Variants in CDK6 observed in about 807,000 individuals in gnomAD.
CDK6 encodes the protein cyclin-dependent kinase 6.
Under a neutral mutation model 37.1 loss-of-function variants are expected in CDK6, and 6 were observed. The ratio of observed to expected loss-of-function variants is 0.16; its 90% CI spans 0.09 to 0.32. CDK6 has a LOEUF of 0.32. Ranked by LOEUF, CDK6 falls within the 10% of genes least tolerant of loss-of-function variation. CDK6 has a pLI of 1.00. For missense variants in CDK6, 224 were observed against 418.9 expected (o/e 0.53, Z 4.06); for synonymous variants, 160 against 161.3 (o/e 0.99, Z 0.06).
Position 92,833,329 on chromosome 7 carries a change from C to A in CDK6, c.-6G>T. 6.4e-7 allele frequency: 1 copy of A among 1,560,190 alleles called. No homozygotes were observed. The highest frequency in any genetic ancestry group is 8.7e-7 in the Non-Finnish European group (1 of 1,155,990). ...CACAGGCCGTCCTTCTCCATGCCGC[C>A]TGGACGCCGCCCGCCGCGGCGCCGC... On this transcript the variant is annotated 5_prime_UTR_variant, in exon 2 of 8. It adds an upstream start codon to the 5' untranslated region. Coordinates refer to ENST00000424848, the MANE Select transcript of CDK6 (RefSeq NM_001145306.2). The surrounding 1 kb of genome is among the most constrained non-coding windows in gnomAD (Gnocchi z 6.1).
chr7:92,704,249 T>C (rs945072151), intron 4 of CDK6, among the ~76,000 whole-genome samples: 3 of 152,202 alleles, frequency 2.0e-5, no homozygotes, highest in Non-Finnish European at 4.4e-5. Flanking sequence ...TTTATATATA[T>C]CATTAATTTC....
intron 4 of CDK6, among the ~76,000 whole-genome samples, chr7:92,671,918 G>A (rs887048456): frequency 1.3e-5 from 2 of 151,318 alleles, no homozygotes; most frequent in South Asian, 2.1e-4. Flanking sequence ...CCCCAGGCCA[G>A]CATTATTGGC....
rs143673993 is a variant in CDK6 at position 92,621,413 on chromosome 7, C to A, written c.698+1623G>T. On this transcript the variant is annotated intron_variant, in intron 6 of 7. Coordinates refer to ENST00000424848, the MANE Select transcript of CDK6 (RefSeq NM_001145306.2). Reference sequence around the variant, plus strand: ...TGCCGGTCAAATGTTCCTTCTGGTCCATTTCACTGGCCTCATGTACTAAGG... The same window carrying A: ...TGCCGGTCAAATGTTCCTTCTGGTCAATTTCACTGGCCTCATGTACTAAGG... Among the ~76,000 whole-genome samples, 3 of 152,266 alleles carry A rather than the reference C, an allele frequency of 2.0e-5. No individual in the cohort carries two copies. The East Asian group carries it at 5.8e-4, about 29-fold the overall frequency.
chr7:92,822,646 C>T (rs1490802008), intron 2 of CDK6, among the ~76,000 whole-genome samples: 2 of 152,058 alleles, frequency 1.3e-5, no homozygotes, highest in East Asian at 1.9e-4. Context: ...AGCTGACATT[C>T]AACATTAATT....
intron 2 of CDK6, among the ~76,000 whole-genome samples, chr7:92,819,698 A>T (rs915091258): frequency 7.9e-5 from 12 of 152,140 alleles, no homozygotes. Context: ...ACAGTAATTC[A>T]AAGAAATATT....
intron 2 of CDK6, among the ~76,000 whole-genome samples, chr7:92,831,604 G>GA (rs1037087755): frequency 1.3e-5 from 2 of 152,034 alleles, no homozygotes; most frequent in Admixed American, 6.5e-5. Flanking sequence ...AAATACACAT[G>GA]AAAAAAAGTC....
At chr7:92,823,596 C>A (rs1463740371) in intron 2 of CDK6, among the ~76,000 whole-genome samples, 1 of 151,830 alleles carries the variant, frequency 6.6e-6, no homozygotes, top group African/African-American at 2.4e-5. Context: ...CTTGGTTTCT[C>A]AAGGTTCAAC....
intron 3 of CDK6, among the ~76,000 whole-genome samples, chr7:92,771,242 A>AAAAT (rs938877799): frequency 6.7e-6 from 1 of 150,052 alleles, no homozygotes; most frequent in African/African-American, 2.4e-5. Context: ...AAAAATAAAT[A>AAAAT]AAATAAATAA....
chr7:92,798,774 T>C (rs1184324595), intron 2 of CDK6, among the ~76,000 whole-genome samples: 2 of 152,170 alleles, frequency 1.3e-5, no homozygotes, highest in Non-Finnish European at 2.9e-5. Flanking sequence ...CCTCTCTTCC[T>C]AACTCCAGAC....
intron 2 of CDK6, among the ~76,000 whole-genome samples, chr7:92,791,891 GA>G (rs1800290631): frequency 6.6e-6 from 1 of 152,132 alleles, no homozygotes; most frequent in Non-Finnish European, 1.5e-5. Context: ...AATGGCAAGA[GA>G]AGAGCTGGAA....
chr7:92,664,610 T>C (rs1021038318), intron 5 of CDK6, among the ~76,000 whole-genome samples: 1 of 152,110 alleles, frequency 6.6e-6, no homozygotes, highest in African/African-American at 2.4e-5. Context: ...ATATGACAAA[T>C]CAGGAAGCCT....
intron 2 of CDK6, among the ~76,000 whole-genome samples, chr7:92,811,703 T>C (rs1477317692): frequency 6.6e-6 from 1 of 152,084 alleles, no homozygotes; most frequent in Non-Finnish European, 1.5e-5. Flanking sequence ...CTAATGGACT[T>C]AATCATTTTG....
chr7:92,640,492 G>C (rs1796278772), intron 5 of CDK6, among the ~76,000 whole-genome samples: 1 of 152,104 alleles, frequency 6.6e-6, no homozygotes, highest in Admixed American at 6.5e-5. Flanking sequence ...GGAGCTTCCC[G>C]TATCAACAAA....
chr7:92,690,233 C>T (rs1218327487), intron 4 of CDK6, among the ~76,000 whole-genome samples: 1 of 152,034 alleles, frequency 6.6e-6, no homozygotes, highest in Non-Finnish European at 1.5e-5. Context: ...CCTAGGTTGT[C>T]TTTGTGGGTT....
chr7:92,730,837 T>G lies in CDK6; in HGVS notation c.370-5044A>C, dbSNP rs529450627. 2.6e-5 allele frequency among the ~76,000 whole-genome samples: 4 copies of G among 152,368 alleles called. No individual in the cohort carries two copies. In the South Asian group the frequency reaches 8.3e-4, roughly 32 times the overall value. Reference sequence around the variant, plus strand: ...TTGGCTGCTGTGAATATTGCTGCTATGAACACAGGTGTAGAATGATCTCTT... The same window carrying G: ...TTGGCTGCTGTGAATATTGCTGCTAGGAACACAGGTGTAGAATGATCTCTT... On this transcript the variant is annotated intron_variant, in intron 3 of 7. Coordinates refer to ENST00000424848, the MANE Select transcript of CDK6 (RefSeq NM_001145306.2).
At chr7:92,647,468 G>A (rs531932553) in intron 5 of CDK6, among the ~76,000 whole-genome samples, 86 of 152,302 alleles carry the variant, frequency 5.6e-4, no homozygotes, top group African/African-American at 2.0e-3. Flanking sequence ...CCAGGCAGAT[G>A]ACTCCAGGAA....
At chr7:92,658,167 T>C (rs1338640188) in intron 5 of CDK6, among the ~76,000 whole-genome samples, 2 of 152,212 alleles carry the variant, frequency 1.3e-5, no homozygotes, top group African/African-American at 4.8e-5. Context: ...CAGAGTTTAG[T>C]TGAAACTTTT....
At chr7:92,755,147 CT>C (rs1799281949) in intron 3 of CDK6, among the ~76,000 whole-genome samples, 1 of 152,032 alleles carries the variant, frequency 6.6e-6, no homozygotes, top group Non-Finnish European at 1.5e-5. Flanking sequence ...TTACTGGTCC[CT>C]TTGAAGGGTT....
intron 3 of CDK6, among the ~76,000 whole-genome samples, chr7:92,751,424 T>C (rs1799185262): frequency 6.6e-6 from 1 of 152,052 alleles, no homozygotes; most frequent in Non-Finnish European, 1.5e-5. Flanking sequence ...TACCCTCAGA[T>C]TTTTTTTAAG....
Sources: gnomAD v4.1 joint callset for allele counts (sites outside exome capture counted in the v4.1 genomes callset) on GRCh38, gnomAD v4.1.1 for gene constraint, Gnocchi (gnomAD v3.1) non-coding constraint, MANE v1.5 for transcripts, NCBI Gene and HGNC (gene_info 2026-07-23, HGNC 2026-07-21) for gene names.